Variants in PCSK6 observed in about 807,000 individuals in gnomAD.
The protein encoded by PCSK6 is paired basic amino acid cleaving enzyme 4.
In PCSK6, 85 loss-of-function variants were observed where a neutral mutation model predicts 123.3. The ratio of observed to expected loss-of-function variants is 0.69; its 90% CI spans 0.58 to 0.83. The LOEUF is 0.83. Ranked by LOEUF, PCSK6 falls within the 40% of genes least tolerant of loss-of-function variation. The pLI is 0.00. For missense variants in PCSK6, 1,191 were observed against 1,282.3 expected (o/e 0.93, Z 1.09); for synonymous variants, 508 against 516.0 (o/e 0.98, Z 0.21).
chr15:101,313,103 G>A, intron 20 of PCSK6: 2 of 1,396,598 alleles, frequency 1.4e-6, no homozygotes, highest in Non-Finnish European at 1.9e-6. Flanking sequence ...GTCCCGCGTA[G>A]TCCACCAATG....
intron 3 of PCSK6, 164 bp from the exon 4 acceptor site, chr15:101,431,627 G>A (rs192704342): frequency 2.1e-4 from 177 of 843,840 alleles, no homozygotes; most frequent in Non-Finnish European, 2.4e-4. Flanking sequence ...CACTCGGATC[G>A]AGAATCATGC....
chr15:101,400,504 A>G (rs1236184736), intron 6 of PCSK6, among the ~76,000 whole-genome samples: 2 of 152,268 alleles, frequency 1.3e-5, no homozygotes. Context: ...CTGACTTTAA[A>G]AAACAAAATA....
At chr15:101,444,442 T>TA (rs1433574221) in intron 1 of PCSK6, among the ~76,000 whole-genome samples, 3 of 152,210 alleles carry the variant, frequency 2.0e-5, no homozygotes, top group African/African-American at 7.2e-5. Flanking sequence ...AAAAGGATTT[T>TA]AAAATCAAGA....
chr15:101,477,060 A>G (rs796733754), intron 1 of PCSK6, among the ~76,000 whole-genome samples: 29 of 152,304 alleles, frequency 1.9e-4, no homozygotes, highest in African/African-American at 6.5e-4. Flanking sequence ...CTCCCCACGC[A>G]GTGATAAAGA....
At chr15:101,415,995 T>C (rs896374142) in intron 6 of PCSK6, among the ~76,000 whole-genome samples, 2 of 152,178 alleles carry the variant, frequency 1.3e-5, no homozygotes, top group African/African-American at 4.8e-5. Flanking sequence ...TTGGTGCCCA[T>C]AGAGTGGGCA....
intron 17 of PCSK6, among the ~76,000 whole-genome samples, chr15:101,323,923 G>A (rs909807855): frequency 2.0e-5 from 3 of 152,154 alleles, no homozygotes; most frequent in African/African-American, 7.2e-5. Flanking sequence ...GTGCCAAACG[G>A]TAGCTTCTTT....
intron 9 of PCSK6, among the ~76,000 whole-genome samples, chr15:101,385,458 T>C (rs10152164): frequency 0.4 from 61,018 of 152,034 alleles, 12,565 homozygotes; most frequent in South Asian, 0.52. Flanking sequence ...CTATTCACAG[T>C]GTCATTTCCA....
chr15:101,325,490 CG>C (rs2040232167), intron 16 of PCSK6, among the ~76,000 whole-genome samples: 1 of 152,164 alleles, frequency 6.6e-6, no homozygotes, highest in Non-Finnish European at 1.5e-5. Context: ...CATGGGCACC[CG>C]GCTTGACCTT....
chr15:101,332,024 C>T lies in PCSK6; in HGVS notation c.1866G>A (p.Leu622=). 1 of 1,592,312 alleles carries T rather than the reference C, an allele frequency of 6.3e-7. No homozygotes were observed. The highest frequency in any genetic ancestry group is 8.6e-7 in the Non-Finnish European group (1 of 1,165,480). Residue 622 remains leucine (L), a synonymous_variant, in exon 14 of 22, where the codon TTG becomes TTA. Coordinates refer to ENST00000611716, the MANE Select transcript of PCSK6 (RefSeq NM_002570.5). ...CATACAGTATGAGGCTCCATTCTTT[C>T]AACTTCCCTGGAAGGCACCAAACCC... is the stretch of plus-strand genomic sequence containing the variant. ...QVRNPEKQGK[L]KEWSLILYGT... is the part of the protein sequence containing the mutation.
intron 1 of PCSK6, among the ~76,000 whole-genome samples, chr15:101,480,836 G>A (rs542332838): frequency 6.6e-6 from 1 of 152,296 alleles, no homozygotes; most frequent in Admixed American, 6.5e-5. Context: ...TACGTGGCAG[G>A]GCCTATCGAG....
chr15:101,341,808 G>A (rs6598450), intron 13 of PCSK6, among the ~76,000 whole-genome samples: 152,181 of 152,318 alleles, frequency 1, 76,022 homozygotes, highest in Middle Eastern at 1. Context: ...GAAATGGTAA[G>A]CATGTCAGTA....
At chr15:101,488,805 C>G (rs905275574) in intron 1 of PCSK6, among the ~76,000 whole-genome samples, 1 of 151,628 alleles carries the variant, frequency 6.6e-6, no homozygotes, top group African/African-American at 2.4e-5. Context: ...CGGCCATCTA[C>G]CCCCGGGAGC....
intron 11 of PCSK6, among the ~76,000 whole-genome samples, chr15:101,377,195 T>TG (rs1871757531): frequency 2.3e-4 from 3 of 12,960 alleles, no homozygotes; most frequent in East Asian, 1.9e-3. Context: ...CGCCAGCAGC[T>TG]GTGCTCTTAG....
intron 2 of PCSK6, among the ~76,000 whole-genome samples, chr15:101,438,963 A>G (rs1386234903): frequency 6.6e-6 from 1 of 152,356 alleles, no homozygotes; most frequent in South Asian, 2.1e-4. Flanking sequence ...AGGGAAAAAG[A>G]GCGAAAGTCA....
At chr15:101,432,276 G>T (rs1343322878) in intron 2 of PCSK6, among the ~76,000 whole-genome samples, 176 bp from the exon 3 acceptor site, 1 of 152,098 alleles carries the variant, frequency 6.6e-6, no homozygotes, top group Non-Finnish European at 1.5e-5. Context: ...TGAAAGATGA[G>T]AAGTTGTTTG....
At chr15:101,355,333 G>A (rs1389840883) in intron 13 of PCSK6, among the ~76,000 whole-genome samples, 1 of 152,230 alleles carries the variant, frequency 6.6e-6, no homozygotes, top group African/African-American at 2.4e-5. Context: ...ATAGAGAGAA[G>A]ATTGGAAAGC....
At chr15:101,378,542 A>G (rs2041817489) in intron 11 of PCSK6, among the ~76,000 whole-genome samples, 1 of 152,252 alleles carries the variant, frequency 6.6e-6, no homozygotes, top group Admixed American at 6.5e-5. Flanking sequence ...TCAGACATCA[A>G]TACCTCAGTT....
intron 1 of PCSK6, among the ~76,000 whole-genome samples, chr15:101,452,910 C>T (rs1277208330): frequency 1.3e-5 from 2 of 152,148 alleles, no homozygotes; most frequent in Admixed American, 6.5e-5. Flanking sequence ...CTGGCGGGGC[C>T]GGGGTCACCA....
At chr15:101,445,786 G>C (rs558954886) in intron 1 of PCSK6, among the ~76,000 whole-genome samples, 60 of 152,378 alleles carry the variant, frequency 3.9e-4, no homozygotes, top group Admixed American at 3.9e-3. Flanking sequence ...GGAACGAAGA[G>C]TTGAATAAAA....
Sources: gnomAD v4.1 joint callset for allele counts (sites outside exome capture counted in the v4.1 genomes callset) on GRCh38, gnomAD v4.1.1 for gene constraint, MANE v1.5 for transcripts, NCBI Gene and HGNC (gene_info 2026-07-23, HGNC 2026-07-21) for gene names.